The following MACROD2 variants were observed in gnomAD, a reference collection of about 807,000 sequenced individuals.
MACROD2 encodes the protein mono-ADP ribosylhydrolase 2.
A neutral mutation model predicts 70.4 loss-of-function variants in MACROD2; 36 were observed. That is an observed-to-expected ratio of 0.51 (90% CI 0.39 to 0.68). MACROD2 has a LOEUF of 0.68. MACROD2 is among the 30% of genes least tolerant of loss of function. The pLI, the probability that MACROD2 is intolerant of heterozygous loss-of-function variation, is 0.00. For missense variants in MACROD2, 496 were observed against 538.4 expected (o/e 0.92, Z 0.78); for synonymous variants, 172 against 178.8 (o/e 0.96, Z 0.30).
intron 4 of MACROD2, among the ~76,000 whole-genome samples, chr20:14,535,454 G>A (rs1321994089): frequency 1.5e-5 from 2 of 131,258 alleles, no homozygotes; most frequent in Non-Finnish European, 3.2e-5. Flanking sequence ...GCAGTGAGCC[G>A]AGATGGCGCC....
chr20:14,884,614 G>A (rs2073649960), intron 5 of MACROD2: 1 of 152,220 alleles, frequency 6.6e-6, no homozygotes, highest in African/African-American at 2.4e-5. Context: ...AAAATAAAAT[G>A]TTAAGCCCCC....
rs532161098 is a variant in MACROD2 at position 16,044,378 on chromosome 20, G to A, written c.1232-193G>A. Among the ~76,000 whole-genome samples, 214 of 152,100 alleles carry A rather than the reference G, an allele frequency of 1.4e-3. 1 individual carries two copies. The highest frequency in any genetic ancestry group is 5.0e-3 in the African/African-American group (209 of 41,500). On this transcript the variant is annotated intron_variant, in intron 16 of 17. Transcript: ENST00000684519. ...TTTCAACATAAGATTTGAAGGGGGC[G>A]TCTGAGGTATATCCTCTACCCCCAC...
chr20:15,601,407 A>G (rs997137837), intron 8 of MACROD2, among the ~76,000 whole-genome samples: 3 of 152,232 alleles, frequency 2.0e-5, no homozygotes, highest in Non-Finnish European at 4.4e-5. Context: ...ATAGTCTTTT[A>G]GTGAACCTCA....
chr20:15,388,231 A>G (rs2045746427), intron 6 of MACROD2, among the ~76,000 whole-genome samples: 1 of 152,044 alleles, frequency 6.6e-6, no homozygotes, highest in African/African-American at 2.4e-5. Flanking sequence ...AGTGTGTGCA[A>G]ATGGGGCATG....
intron 5 of MACROD2, among the ~76,000 whole-genome samples, chr20:15,069,213 T>C (rs2016569272): frequency 6.6e-6 from 1 of 152,206 alleles, no homozygotes; most frequent in Non-Finnish European, 1.5e-5. Context: ...ATTCAAGATG[T>C]GGCATGGCTG....
intron 5 of MACROD2, among the ~76,000 whole-genome samples, chr20:15,158,390 C>T (rs2076324007): frequency 6.6e-6 from 1 of 152,100 alleles, no homozygotes; most frequent in Admixed American, 6.6e-5. Context: ...ATCTTATCCC[C>T]ACAAAATCCT....
At chr20:14,283,525 G>A (rs962172207) in intron 3 of MACROD2, among the ~76,000 whole-genome samples, 4 of 152,088 alleles carry the variant, frequency 2.6e-5, no homozygotes, top group African/African-American at 9.7e-5. Flanking sequence ...TTATCTATCA[G>A]CAATAGTTAT....
intron 4 of MACROD2, among the ~76,000 whole-genome samples, chr20:14,495,855 A>G (rs1021023751): frequency 2.0e-5 from 3 of 152,204 alleles, no homozygotes; most frequent in African/African-American, 7.2e-5. Flanking sequence ...TTTTTGAATA[A>G]TAAAATTAGC....
At chr20:15,032,605 T>G (rs1039953775) in intron 5 of MACROD2, among the ~76,000 whole-genome samples, 1 of 152,222 alleles carries the variant, frequency 6.6e-6, no homozygotes, top group Non-Finnish European at 1.5e-5. Flanking sequence ...TGACCGTCAC[T>G]CTAACCGGAA....
At chr20:15,766,980 A>G (rs1253264494) in intron 8 of MACROD2, among the ~76,000 whole-genome samples, 2 of 152,192 alleles carry the variant, frequency 1.3e-5, no homozygotes, top group Non-Finnish European at 2.9e-5. Context: ...AAGATTTGCT[A>G]TCGTCCCACT....
chr20:15,378,786 AT>A (rs959285730), intron 6 of MACROD2, among the ~76,000 whole-genome samples: 79 of 152,174 alleles, frequency 5.2e-4, no homozygotes, highest in Admixed American at 1.7e-3. Context: ...AAACATAAGA[AT>A]TTTTTTTCAA....
At chr20:15,114,804 C>G (rs570206465) in intron 5 of MACROD2, among the ~76,000 whole-genome samples, 1 of 152,148 alleles carries the variant, frequency 6.6e-6, no homozygotes, top group African/African-American at 2.4e-5. Flanking sequence ...TTTTCTTGTT[C>G]TGTGGATTCT....
chr20:14,684,654 C>T (rs111678195), intron 4 of MACROD2, among the ~76,000 whole-genome samples, 189 bp from the exon 5 acceptor site: 2 of 147,264 alleles, frequency 1.4e-5, no homozygotes, highest in African/African-American at 2.5e-5. Context: ...CCTCACCCCC[C>T]CCCCCCGGCC....
chr20:15,748,732 A>G (rs1347075455), intron 8 of MACROD2, among the ~76,000 whole-genome samples: 2 of 152,078 alleles, frequency 1.3e-5, no homozygotes, highest in Non-Finnish European at 2.9e-5. Flanking sequence ...GTGTATTCCA[A>G]CATTGTTCAT....
intron 3 of MACROD2, among the ~76,000 whole-genome samples, chr20:14,240,230 G>A (rs1000430490): frequency 3.3e-5 from 5 of 152,116 alleles, no homozygotes; most frequent in African/African-American, 1.2e-4. Flanking sequence ...ATGCTTATAC[G>A]CTACTGGTGG....
In MACROD2 at chr20:16,052,645, C is replaced by CTGT. The variant is rs2067473275; in HGVS notation, c.*2770_*2772dup. On this transcript the variant is annotated 3_prime_UTR_variant, in exon 18 of 18. Transcript: ENST00000684519. Reference sequence around the variant, plus strand: ...ACAAAGAAGGCATCCGAATCACTGTCTGTGATACTGGGTCACATATTAATC... The same window carrying CTGT: ...ACAAAGAAGGCATCCGAATCACTGTCTGTTGTGATACTGGGTCACATATTAATC... The CTGT allele has an allele frequency of 6.6e-6, 1 of 152,656 alleles. No individual in the cohort carries two copies. Among genetic ancestry groups the CTGT allele is most frequent in the Non-Finnish European group, 1.5e-5 (1 of 68,044 alleles). The allele number at this position is 152,656 out of a possible 1,614,324, so 9.5% of individuals were successfully genotyped here.
chr20:14,331,168 A>C (rs2082829333), intron 3 of MACROD2, among the ~76,000 whole-genome samples: 1 of 152,100 alleles, frequency 6.6e-6, no homozygotes, highest in Non-Finnish European at 1.5e-5. Context: ...AGGTCAGACC[A>C]CAGTGTGTCC....
chr20:14,422,579 AT>A (rs1171460039), intron 3 of MACROD2, among the ~76,000 whole-genome samples: 18 of 151,276 alleles, frequency 1.2e-4, no homozygotes, highest in Admixed American at 2.6e-4. Context: ...TTCTACAGGT[AT>A]TTTTTTTGTG....
At chr20:14,857,928 C>T (rs972726493) in intron 5 of MACROD2, among the ~76,000 whole-genome samples, 2 of 152,142 alleles carry the variant, frequency 1.3e-5, no homozygotes, top group African/African-American at 4.8e-5. Context: ...TCAAGCGATT[C>T]TCCTGCCTCA....
Sources: allele counts gnomAD v4.1 joint callset (sites outside exome capture counted in the v4.1 genomes callset), GRCh38; gene constraint gnomAD v4.1.1; transcripts MANE v1.5; gene names NCBI Gene and HGNC (gene_info 2026-07-23, HGNC 2026-07-21).